Variants in ARHGAP40 observed in about 807,000 individuals in gnomAD.
ARHGAP40 encodes rho GTPase-activating protein 40.
ARHGAP40 carries 43 observed loss-of-function variants against 73.5 expected under a neutral mutation model. That is an observed-to-expected ratio of 0.58 (90% CI 0.46 to 0.75). The LOEUF is 0.75. Among genes scored for constraint, ARHGAP40 ranks in the 30% least tolerant of loss-of-function variants. The probability of loss-of-function intolerance (pLI) is 0.00; values close to 1 mark genes in which losing one functional copy is unlikely to be tolerated. For missense variants in ARHGAP40, 734 were observed against 861.8 expected (o/e 0.85, Z 1.86); for synonymous variants, 300 against 352.8 (o/e 0.85, Z 1.68).
chr20:38,627,633 G>GGGTGTGTGGGGGTGTGTT lies in ARHGAP40; in HGVS notation c.558+426_558+427insGGGGTGTGTTGGTGTGTG, dbSNP rs1555791940. On this transcript the variant is annotated intron_variant, in intron 3 of 14. Transcript: ENST00000373345. The stretch of plus-strand genomic sequence containing the variant: ...TGTGTGTGTTGGTGTGTGTGTGTTG[G>GGGTGTGTGGGGGTGTGTT]GGTGTGTGTGGGGTGTGTTGGTGTG... 8.0e-3 allele frequency among the ~76,000 whole-genome samples: 1,114 copies of GGGTGTGTGGGGGTGTGTT among 139,552 alleles called. 18 individuals are homozygous for GGGTGTGTGGGGGTGTGTT. Among genetic ancestry groups the GGGTGTGTGGGGGTGTGTT allele is most frequent in the African/African-American group, 0.028 (1,046 of 37,024 alleles). 91.6% of individuals were successfully genotyped at this position (139,552 alleles called of 152,430 possible).
intron 1 of ARHGAP40, chr20:38,615,022 A>G (rs1013654944): frequency 3.3e-5 from 38 of 1,156,376 alleles, no homozygotes; most frequent in African/African-American, 1.5e-5. Flanking sequence ...ATCTCCATCA[A>G]GGTCAAGTTA....
At chr20:38,625,318 A>C (rs1255808740) in intron 2 of ARHGAP40, among the ~76,000 whole-genome samples, 2 of 152,160 alleles carry the variant, frequency 1.3e-5, no homozygotes, top group Non-Finnish European at 1.5e-5. Context: ...CACTTTGAGC[A>C]ACCAAATAAA....
intron 14 of ARHGAP40, 42 bp downstream of exon 14, chr20:38,648,740 T>C (rs1198705069): frequency 1.5e-6 from 2 of 1,298,676 alleles, no homozygotes; most frequent in Non-Finnish European, 2.0e-6. Context: ...CCCGGGTCCC[T>C]GGGAGTTCTT....
chr20:38,613,218 A>C (rs902597032), intron 1 of ARHGAP40, among the ~76,000 whole-genome samples: 7 of 151,936 alleles, frequency 4.6e-5, no homozygotes, highest in African/African-American at 1.7e-4. Context: ...TCAGATGGAG[A>C]TTGGTAGATC....
chr20:38,645,875 C>T (rs1229368279), intron 11 of ARHGAP40, among the ~76,000 whole-genome samples, 172 bp from the exon 12 acceptor site: 2 of 151,988 alleles, frequency 1.3e-5, no homozygotes, highest in African/African-American at 4.8e-5. Context: ...GGCTGAATGC[C>T]CCCTCCTCAT....
At chr20:38,612,560 G>A (rs1436568708) in intron 1 of ARHGAP40, among the ~76,000 whole-genome samples, 1 of 152,064 alleles carries the variant, frequency 6.6e-6, no homozygotes, top group African/African-American at 2.4e-5. Context: ...TGTAATTCCA[G>A]CCGGGAGGCT....
intron 3 of ARHGAP40, 95 bp downstream of exon 3, chr20:38,627,310 G>C (rs2088904190): frequency 5.3e-6 from 6 of 1,128,872 alleles, no homozygotes; most frequent in Admixed American, 2.4e-5. Flanking sequence ...CTGAAGGGCT[G>C]TGTTGGTGTG....
chr20:38,644,471 C>G (rs2089039417), intron 11 of ARHGAP40, among the ~76,000 whole-genome samples: 1 of 152,152 alleles, frequency 6.6e-6, no homozygotes, highest in African/African-American at 2.4e-5. Context: ...CACTGCTGAC[C>G]AGGCTGCTTT....
chr20:38,623,442 C>A, exon 2 of ARHGAP40: 4 of 1,290,938 alleles, frequency 3.1e-6, no homozygotes, highest in Non-Finnish European at 4.0e-6. Context: ...GCTGGCTGTT[C>A]CACTGGAGTG....
chr20:38,620,581 C>T lies in ARHGAP40; in HGVS notation c.138-2778C>T, dbSNP rs111824476. ...GCGAATCGCAAAGCAACCAAAGAAACGGAGCTGTGCCCCCAGCATGGGGTG... is the reference window on the plus strand; with the variant it reads ...GCGAATCGCAAAGCAACCAAAGAAATGGAGCTGTGCCCCCAGCATGGGGTG... On this transcript the variant is annotated intron_variant, in intron 1 of 14. Coordinates refer to ENST00000373345, the Ensembl canonical transcript of ARHGAP40. Among the ~76,000 whole-genome samples the T allele has an allele frequency of 3.2e-3, 493 of 152,320 alleles. 1 individual carries two copies. Among genetic ancestry groups the T allele is most frequent in the Middle Eastern group, 0.017 (5 of 294 alleles).
At chr20:38,628,592 C>A (rs527667056) in intron 3 of ARHGAP40, among the ~76,000 whole-genome samples, 226 of 152,338 alleles carry the variant, frequency 1.5e-3, no homozygotes, top group African/African-American at 5.2e-3. Context: ...GCGTGAGCCA[C>A]CACGCCCGGC....
intron 5 of ARHGAP40, among the ~76,000 whole-genome samples, chr20:38,631,741 C>T (rs528065071): frequency 2.6e-5 from 4 of 152,240 alleles, no homozygotes; most frequent in Admixed American, 2.6e-4. Context: ...GGAGCCTTCC[C>T]AACTGACCAC....
At chr20:38,613,920 G>A (rs916448531) in intron 1 of ARHGAP40, among the ~76,000 whole-genome samples, 3 of 152,184 alleles carry the variant, frequency 2.0e-5, no homozygotes, top group Non-Finnish European at 4.4e-5. Flanking sequence ...TGTCCAGAAT[G>A]AGCCAGTCTT....
chr20:38,628,404 A>G (rs1568607966), intron 3 of ARHGAP40, among the ~76,000 whole-genome samples: 1 of 151,508 alleles, frequency 6.6e-6, no homozygotes, highest in Non-Finnish European at 1.5e-5. Flanking sequence ...TCCCGGGTTC[A>G]CGCCGTTCTC....
chr20:38,628,696 A>G (rs2088918421), intron 3 of ARHGAP40, among the ~76,000 whole-genome samples: 1 of 152,198 alleles, frequency 6.6e-6, no homozygotes, highest in South Asian at 2.1e-4. Flanking sequence ...GCACCTCTGA[A>G]GTGGCATAGC....
intron 14 of ARHGAP40, 57 bp downstream of exon 14, chr20:38,648,755 C>G (rs768886209): frequency 6.0e-5 from 77 of 1,275,690 alleles, no homozygotes; most frequent in Non-Finnish European, 7.4e-5. Context: ...GTTCTTCGAC[C>G]TCAAAGGCTC....
At chr20:38,644,692 TCC>T (rs2089040892) in intron 11 of ARHGAP40, among the ~76,000 whole-genome samples, 1 of 114,218 alleles carries the variant, frequency 8.8e-6, no homozygotes, top group Non-Finnish European at 1.7e-5. Flanking sequence ...TTCCTCCAAC[TCC>T]CCCATCCACC....
chr20:38,609,123 C>G (rs2088790324), intron 1 of ARHGAP40, among the ~76,000 whole-genome samples: 1 of 152,230 alleles, frequency 6.6e-6, no homozygotes, highest in African/African-American at 2.4e-5. Flanking sequence ...GTAACACACA[C>G]ATTTACAGAT....
chr20:38,606,025 C>T (rs1392010788), intron 1 of ARHGAP40, among the ~76,000 whole-genome samples: 1 of 152,076 alleles, frequency 6.6e-6, no homozygotes, highest in East Asian at 1.9e-4. Flanking sequence ...CCACGCCTAG[C>T]TATTTTTTTC....
Sources: gnomAD v4.1 joint callset for allele counts (sites outside exome capture counted in the v4.1 genomes callset) on GRCh38, gnomAD v4.1.1 for gene constraint, MANE v1.5 for transcripts, NCBI Gene and HGNC (gene_info 2026-07-23, HGNC 2026-07-21) for gene names.